STXBP5: variants seen among roughly 807,000 people sequenced by gnomAD.
STXBP5 encodes the protein syntaxin binding protein 5, also known as syntaxin-binding protein 5.
Under a neutral mutation model 152.4 loss-of-function variants are expected in STXBP5, and 50 were observed. The ratio of observed to expected loss-of-function variants is 0.33; its 90% CI spans 0.26 to 0.42. The LOEUF (loss-of-function observed/expected upper bound fraction) is 0.42. STXBP5 is among the 10% of genes least tolerant of loss of function. STXBP5 has a pLI of 1.00. For synonymous variants in STXBP5, 492 were observed against 494.7 expected, an observed-to-expected ratio of 0.99 and a Z score of 0.07; for missense variants, 1,167 against 1,388.6, an observed-to-expected ratio of 0.84 and a Z score of 2.54.
intron 18 of STXBP5, among the ~76,000 whole-genome samples, chr6:147,328,420 TA>T (rs1258075927): frequency 6.6e-6 from 1 of 152,226 alleles, no homozygotes. Context: ...CCCTCTGAAT[TA>T]AAATTCATTC....
intron 11 of STXBP5, among the ~76,000 whole-genome samples, chr6:147,312,795 T>C (rs1198738240): frequency 6.6e-6 from 1 of 152,188 alleles, no homozygotes; most frequent in East Asian, 1.9e-4. Context: ...AAAATATTAT[T>C]TCTGTCCTAG....
At chr6:147,246,960 C>A (rs974109523) in intron 4 of STXBP5, among the ~76,000 whole-genome samples, 1 of 152,086 alleles carries the variant, frequency 6.6e-6, no homozygotes, top group Non-Finnish European at 1.5e-5. Context: ...TATATAGAAA[C>A]GAAAACTCAT....
intron 8 of STXBP5, among the ~76,000 whole-genome samples, chr6:147,287,385 G>A (rs1330302091): frequency 2.0e-5 from 3 of 150,894 alleles, no homozygotes; most frequent in South Asian, 2.1e-4. Context: ...TGTATTTTTA[G>A]TAGAGACGGG....
At chr6:147,357,974 A>G (rs1246054839) in intron 22 of STXBP5, among the ~76,000 whole-genome samples, 1 of 152,184 alleles carries the variant, frequency 6.6e-6, no homozygotes, top group East Asian at 1.9e-4. Context: ...ATTAGCAACA[A>G]GGGAAGGTAG....
Position 147,210,797 on chromosome 6 carries a change from T to C in STXBP5, c.248+4729T>C, listed in dbSNP as rs1412172496. 2.0e-5 allele frequency among the ~76,000 whole-genome samples: 3 copies of C among 152,196 alleles called. No individual in the cohort carries two copies. In the East Asian group the frequency reaches 5.8e-4, roughly 29 times the overall value. ...AGCTTTTACGATCATGAAGGGATATTGTGGTGGATACATGATTATTACATT... is the reference window on the plus strand; with the variant it reads ...AGCTTTTACGATCATGAAGGGATATCGTGGTGGATACATGATTATTACATT... On this transcript the variant is annotated intron_variant, in intron 2 of 27. Transcript: ENST00000321680.
At chr6:147,296,259 T>G (rs957557622) in intron 9 of STXBP5, among the ~76,000 whole-genome samples, 1 of 151,066 alleles carries the variant, frequency 6.6e-6, no homozygotes, top group Non-Finnish European at 1.5e-5. Flanking sequence ...CTTTACTAGG[T>G]TCACCCCCCA....
Position 147,388,591 on chromosome 6 carries a change from C to G in STXBP5, c.*3836C>G, listed in dbSNP as rs1354326124. The stretch of plus-strand genomic sequence containing the variant: ...AATAAGAAATACTGGTATCTCATAT[C>G]GAGATACAATTAATTTTAAAAAATC... On this transcript the variant is annotated 3_prime_UTR_variant, in exon 28 of 28. Transcript: ENST00000321680. 6.6e-6 allele frequency: 1 copy of G among 151,176 alleles called. No homozygotes were observed. Among genetic ancestry groups the G allele is most frequent in the African/African-American group, 2.4e-5 (1 of 41,290 alleles). 9.4% of individuals were successfully genotyped at this position (151,176 alleles called of 1,614,324 possible).
chr6:147,348,972 A>G (rs999894529), intron 21 of STXBP5, among the ~76,000 whole-genome samples: 5 of 152,164 alleles, frequency 3.3e-5, no homozygotes, highest in Admixed American at 2.6e-4. Flanking sequence ...GCTTCTGACT[A>G]TGGGCATTAA....
Position 147,267,146 on chromosome 6 carries a change from C to T in STXBP5, c.693C>T (p.Asp231=), listed in dbSNP as rs139727060. ...VLWDLKSKKA[D]YRYTYDEAIH... Reference sequence around the variant, plus strand: ...GGGACCTCAAATCAAAGAAAGCCGACTACAGATACACATATGATGAGGTAA... The same window carrying T: ...GGGACCTCAAATCAAAGAAAGCCGATTACAGATACACATATGATGAGGTAA... The change falls in exon 7 of 28, where the codon GAC becomes GAT. Residue 231 remains aspartate, a synonymous_variant. Coordinates refer to ENST00000321680, the MANE Select transcript of STXBP5 (RefSeq NM_001127715.4). The T allele has an allele frequency of 2.3e-4, 366 of 1,609,994 alleles. 1 individual carries two copies. In the East Asian group the frequency reaches 7.4e-3, roughly 33 times the overall value.
chr6:147,213,671 C>T (rs1370672792), intron 2 of STXBP5, among the ~76,000 whole-genome samples: 1 of 151,740 alleles, frequency 6.6e-6, no homozygotes, highest in Admixed American at 6.6e-5. Flanking sequence ...TAGTAATAAT[C>T]AGAATGTGTA....
At chr6:147,250,052 C>T (rs115116612) in intron 4 of STXBP5, among the ~76,000 whole-genome samples, 3,370 of 152,276 alleles carry the variant, frequency 0.022, 129 homozygotes, top group African/African-American at 0.077. Flanking sequence ...ATCAGTAGAA[C>T]ATTGCCAGCT....
At chr6:147,251,845 G>C (rs1196121873) in intron 4 of STXBP5, among the ~76,000 whole-genome samples, 2 of 152,148 alleles carry the variant, frequency 1.3e-5, no homozygotes, top group African/African-American at 4.8e-5. Flanking sequence ...GGAGAGCTTC[G>C]GCTGGTGGGT....
At chr6:147,331,607 G>T (rs146423203) in intron 18 of STXBP5, among the ~76,000 whole-genome samples, 140 of 152,230 alleles carry the variant, frequency 9.2e-4, no homozygotes, top group African/African-American at 3.2e-3. Context: ...CTGGCATTCA[G>T]GTGGTTGTTT....
chr6:147,264,955 C>T (rs1779819868), intron 6 of STXBP5, among the ~76,000 whole-genome samples: 1 of 151,944 alleles, frequency 6.6e-6, no homozygotes, highest in Admixed American at 6.6e-5. Flanking sequence ...AAAATTATTT[C>T]CTTAAAGTTA....
chr6:147,350,372 T>C (rs988771960), intron 21 of STXBP5, among the ~76,000 whole-genome samples: 1 of 152,126 alleles, frequency 6.6e-6, no homozygotes, highest in Non-Finnish European at 1.5e-5. Context: ...GGAAATTTTC[T>C]GCTGGTAAAT....
chr6:147,309,527 C>G (rs149643000), intron 9 of STXBP5, among the ~76,000 whole-genome samples: 50 of 152,176 alleles, frequency 3.3e-4, no homozygotes, highest in East Asian at 1.9e-3. Context: ...AATTATCAGG[C>G]TGGCAACTGA....
In STXBP5 at chr6:147,359,167, C is replaced by A. The variant is rs369323937; in HGVS notation, c.2389C>A (p.Leu797Ile). 3.7e-6 allele frequency: 6 copies of A among 1,613,956 alleles called. No individual in the cohort carries two copies. The highest frequency in any genetic ancestry group is 5.1e-6 in the Non-Finnish European group (6 of 1,179,956). The stretch of plus-strand genomic sequence containing the variant: ...AGAATCCCGAGAAGCGATCTCCGCT[C>A]TTCATTTCTGTGAAACGTTTACTCG... ...DKESREAISA[L>I]HFCETFTRKT... Residue 797 changes from leucine to isoleucine, a missense_variant, in exon 23 of 28, where the codon CTT becomes ATT. By Grantham distance (5) the Leu-to-Ile change is conservative. Around this residue, in one of 3 missense-constraint regions of STXBP5, gnomAD observed 833 missense variants for 986.3 expected, o/e 0.84. Transcript: ENST00000321680.
Position 147,373,741 on chromosome 6 carries a change from G to A in STXBP5, c.3092G>A (p.Gly1031Asp). 1 of 1,612,132 alleles carries A rather than the reference G, an allele frequency of 6.2e-7. No individual in the cohort carries two copies. The highest frequency in any genetic ancestry group is 8.5e-7 in the Non-Finnish European group (1 of 1,178,954). The change falls in exon 26 of 28, where the codon GGT becomes GAT. Residue 1031 changes from glycine (G) to aspartate (D), a missense_variant. Around this residue, in one of 3 missense-constraint regions of STXBP5, gnomAD observed 833 missense variants for 986.3 expected, o/e 0.84. Transcript: ENST00000321680. ...GTTTTGATTTTAAAGGAAATGTTGG[G>A]TGAACTCTTCACTCCTGTAGAAACA... ...ETCENLQEMLGELFTPVETPE... is the reference protein window; with the variant it reads ...ETCENLQEMLDELFTPVETPE...
intron 18 of STXBP5, among the ~76,000 whole-genome samples, 166 bp downstream of exon 18, chr6:147,327,442 A>G (rs1028406909): frequency 1.3e-5 from 2 of 152,086 alleles, no homozygotes; most frequent in Non-Finnish European, 2.9e-5. Context: ...TTTGTTTTCT[A>G]TAGTTGTGGT....
Sources: gnomAD v4.1 joint callset for allele counts (sites outside exome capture counted in the v4.1 genomes callset) on GRCh38, gnomAD v4.1.1 for gene constraint, gnomAD v4.1.1 regional missense constraint, MANE v1.5 for transcripts, NCBI Gene and HGNC (gene_info 2026-07-23, HGNC 2026-07-21) for gene names.